Variants in CABCOCO1 observed in about 807,000 individuals in gnomAD.
CABCOCO1 encodes ciliary associated calcium binding coiled-coil 1, also known as ciliary-associated calcium-binding coiled-coil protein 1.
Under a neutral mutation model 35.7 loss-of-function variants are expected in CABCOCO1, and 28 were observed. The observed-to-expected ratio is 0.78, with a 90% CI of 0.58 to 1.07. The LOEUF (loss-of-function observed/expected upper bound fraction) is 1.07. Among genes scored for constraint, CABCOCO1 ranks in the 50% least tolerant of loss-of-function variants. The pLI is 0.00. For missense variants in CABCOCO1, 326 were observed against 309.2 expected (o/e 1.05, Z -0.41); for synonymous variants, 95 against 100.1 (o/e 0.95, Z 0.30).
intron 1 of CABCOCO1, among the ~76,000 whole-genome samples, chr10:61,666,508 T>C (rs1027872253): frequency 2.6e-5 from 4 of 152,178 alleles, no homozygotes; most frequent in African/African-American, 9.7e-5. Context: ...GGCTGTAGCA[T>C]GGAGATATTG....
At chr10:61,712,917 T>C (rs1461431611) in intron 5 of CABCOCO1, among the ~76,000 whole-genome samples, 1 of 152,212 alleles carries the variant, frequency 6.6e-6, no homozygotes, top group East Asian at 1.9e-4. Flanking sequence ...GCCCTTGTAG[T>C]ATAGTTTGAA....
chr10:61,706,287 G>A (rs966872522), intron 5 of CABCOCO1, among the ~76,000 whole-genome samples: 2 of 152,126 alleles, frequency 1.3e-5, no homozygotes, highest in African/African-American at 4.8e-5. Context: ...AATTACAGCC[G>A]AAATTGAGAA....
intron 5 of CABCOCO1, among the ~76,000 whole-genome samples, chr10:61,729,798 T>A (rs79413468): frequency 6.6e-6 from 1 of 152,128 alleles, no homozygotes; most frequent in South Asian, 2.1e-4. Context: ...AGAAGGCAAT[T>A]GTGCAATATG....
chr10:61,702,167 CT>C (rs1564540751), intron 5 of CABCOCO1, among the ~76,000 whole-genome samples: 1 of 152,072 alleles, frequency 6.6e-6, no homozygotes, highest in Non-Finnish European at 1.5e-5. Context: ...AGCAATATGG[CT>C]TTTGTTGAAT....
chr10:61,682,007 AT>A (rs1252384114), intron 3 of CABCOCO1, among the ~76,000 whole-genome samples: 1 of 152,200 alleles, frequency 6.6e-6, no homozygotes, highest in Non-Finnish European at 1.5e-5. Flanking sequence ...CAAAAATTAA[AT>A]TTTAAAAGAG....
At chr10:61,691,076 G>T (rs1021135241) in intron 5 of CABCOCO1, among the ~76,000 whole-genome samples, 10 of 151,892 alleles carry the variant, frequency 6.6e-5, no homozygotes, top group African/African-American at 2.2e-4. Flanking sequence ...TACCTTAATT[G>T]CATCATAATC....
At chr10:61,691,610 A>T (rs190653022) in intron 5 of CABCOCO1, among the ~76,000 whole-genome samples, 20 of 152,216 alleles carry the variant, frequency 1.3e-4, no homozygotes, top group Admixed American at 7.2e-4. Flanking sequence ...CGTCATTTAC[A>T]TTAGGTATTT....
intron 5 of CABCOCO1, among the ~76,000 whole-genome samples, chr10:61,716,833 A>G (rs1364880059): frequency 2.0e-5 from 3 of 152,180 alleles, no homozygotes; most frequent in African/African-American, 7.2e-5. Context: ...TGAAGATTGT[A>G]ATAAAATCCA....
chr10:61,669,696 G>T (rs1266216813), intron 1 of CABCOCO1, among the ~76,000 whole-genome samples: 1 of 151,958 alleles, frequency 6.6e-6, no homozygotes, highest in African/African-American at 2.4e-5. Flanking sequence ...AAAAGAATGA[G>T]GCTCTAATAT....
intron 1 of CABCOCO1, among the ~76,000 whole-genome samples, chr10:61,666,985 AATTATAT>A (rs1839198687): frequency 1.4e-5 from 2 of 141,878 alleles, no homozygotes; most frequent in South Asian, 4.2e-4. Flanking sequence ...ATATAAATAT[AATTATAT>A]ATTATATATA....
At chr10:61,704,083 G>C (rs1840535418) in intron 5 of CABCOCO1, among the ~76,000 whole-genome samples, 1 of 152,052 alleles carries the variant, frequency 6.6e-6, no homozygotes, top group African/African-American at 2.4e-5. Context: ...AATTAGCTGG[G>C]CGTGGTGGCA....
At chr10:61,704,876 T>C (rs998420206) in intron 5 of CABCOCO1, among the ~76,000 whole-genome samples, 1 of 151,542 alleles carries the variant, frequency 6.6e-6, no homozygotes, top group African/African-American at 2.4e-5. Context: ...AGCCTCCTGT[T>C]GTTGCTCTTC....
intron 4 of CABCOCO1, among the ~76,000 whole-genome samples, chr10:61,689,349 A>C (rs1316760678): frequency 6.6e-6 from 1 of 152,152 alleles, no homozygotes; most frequent in Admixed American, 6.6e-5. Context: ...CTAGCCAACA[A>C]ATCAAAGTAC....
intron 2 of CABCOCO1, among the ~76,000 whole-genome samples, chr10:61,674,007 G>A (rs1158816220): frequency 6.6e-6 from 1 of 151,956 alleles, no homozygotes; most frequent in Admixed American, 6.6e-5. Flanking sequence ...TTTGATACTA[G>A]GCAAAATAGC....
intron 5 of CABCOCO1, among the ~76,000 whole-genome samples, chr10:61,718,986 A>C (rs999634726): frequency 6.6e-6 from 1 of 152,232 alleles, no homozygotes; most frequent in African/African-American, 2.4e-5. Flanking sequence ...ATTACTTTTC[A>C]TTTTATAAAC....
At chr10:61,742,245 A>T (rs1841565110) in intron 5 of CABCOCO1, among the ~76,000 whole-genome samples, 1 of 152,128 alleles carries the variant, frequency 6.6e-6, no homozygotes, top group Admixed American at 6.6e-5. Flanking sequence ...TTTGCCGGGG[A>T]CATTAAGCTT....
intron 5 of CABCOCO1, among the ~76,000 whole-genome samples, chr10:61,744,660 A>G (rs1156916449): frequency 1.3e-5 from 2 of 152,164 alleles, no homozygotes; most frequent in Non-Finnish European, 2.9e-5. Flanking sequence ...GTTGGCTGGC[A>G]TATCAGCCCT....
At chr10:61,749,889 T>C (rs900355825) in intron 5 of CABCOCO1, among the ~76,000 whole-genome samples, 3 of 152,190 alleles carry the variant, frequency 2.0e-5, no homozygotes, top group African/African-American at 7.2e-5. Flanking sequence ...GCAGTATGAT[T>C]TGAAGGACCT....
intron 6 of CABCOCO1, 83 bp from the exon 7 acceptor site, chr10:61,760,780 T>G: frequency 7.1e-7 from 1 of 1,404,282 alleles, no homozygotes; most frequent in African/African-American, 1.5e-5. Flanking sequence ...TAAAATATAT[T>G]TAAAACAAGA....
Sources: gnomAD v4.1 joint callset for allele counts (sites outside exome capture counted in the v4.1 genomes callset) on GRCh38, gnomAD v4.1.1 for gene constraint, MANE v1.5 for transcripts, NCBI Gene and HGNC (gene_info 2026-07-23, HGNC 2026-07-21) for gene names.